The following ANO4 variants were observed in gnomAD, a reference collection of about 807,000 sequenced individuals.
The protein encoded by ANO4 is anoctamin-4.
In ANO4, 69 loss-of-function variants were observed where a neutral mutation model predicts 141.9. That is an observed-to-expected ratio of 0.49 (90% CI 0.40 to 0.59). The LOEUF (loss-of-function observed/expected upper bound fraction) is 0.59. ANO4 is among the 20% of genes least tolerant of loss of function. The pLI is 0.00. For synonymous variants in ANO4, 350 were observed against 394.3 expected, an observed-to-expected ratio of 0.89 and a Z score of 1.33; for missense variants, 894 against 1,162.2, an observed-to-expected ratio of 0.77 and a Z score of 3.36.
intron 5 of ANO4, among the ~76,000 whole-genome samples, chr12:100,953,857 G>T (rs1022720742): frequency 1.3e-5 from 2 of 151,028 alleles, no homozygotes; most frequent in Admixed American, 1.3e-4. Flanking sequence ...GGTGTAGGAA[G>T]AGTAAGTGGA....
chr12:100,831,879 G>T (rs1349987462), intron 1 of ANO4, among the ~76,000 whole-genome samples: 1 of 151,970 alleles, frequency 6.6e-6, no homozygotes, highest in Non-Finnish European at 1.5e-5. Context: ...TAAAATTCCA[G>T]ACTCTTCTGA....
chr12:100,829,680 A>G (rs2036539987), intron 1 of ANO4, among the ~76,000 whole-genome samples: 1 of 152,098 alleles, frequency 6.6e-6, no homozygotes, highest in Admixed American at 6.6e-5. Context: ...TAATCCCTTA[A>G]TATTTCCTTG....
chr12:101,102,536 T>G (rs1231903816), intron 22 of ANO4, among the ~76,000 whole-genome samples: 1 of 152,178 alleles, frequency 6.6e-6, no homozygotes, highest in Non-Finnish European at 1.5e-5. Flanking sequence ...AAGCCCATGT[T>G]TTTTTTGTGG....
At position 101,126,939 on chromosome 12, in the gene ANO4, C is replaced by T. The variant is rs2051341137; in HGVS notation, c.2737C>T (p.Leu913=). The T allele has an allele frequency of 6.2e-7, 1 of 1,613,964 alleles. No individual in the cohort carries two copies. The highest frequency in any genetic ancestry group is 8.5e-7 in the Non-Finnish European group (1 of 1,180,008). The change falls in exon 27 of 28, where the codon CTA becomes TTA. Residue 913 remains leucine (L), a synonymous_variant. Transcript: ENST00000392977. ...TCTGATCCCAGACCTCCCAAAAGAC[C>T]TAAGGGATCGAATGAGAAGAGAGAA... The part of the protein sequence containing the change: ...SYLIPDLPKD[L]RDRMRREKYL...
chr12:100,917,953 T>C (rs531941995), intron 2 of ANO4, among the ~76,000 whole-genome samples: 1 of 152,354 alleles, frequency 6.6e-6, no homozygotes, highest in African/African-American at 2.4e-5. Context: ...ATTTTCAGTC[T>C]TAAATCCTGA....
intron 9 of ANO4, among the ~76,000 whole-genome samples, chr12:101,026,999 A>G (rs1258783405): frequency 3.9e-5 from 6 of 152,188 alleles, no homozygotes; most frequent in Non-Finnish European, 8.8e-5. Context: ...AAAAAGAACC[A>G]TCATTAATGT....
intron 14 of ANO4, among the ~76,000 whole-genome samples, chr12:101,076,247 A>T (rs193091453): frequency 2.0e-5 from 3 of 152,202 alleles, no homozygotes; most frequent in East Asian, 1.9e-4. Context: ...TGGTTGGATT[A>T]TTGTACTTAT....
At chr12:100,755,297 G>A (rs2032558892) in intron 3 of ANO4, among the ~76,000 whole-genome samples, 1 of 151,928 alleles carries the variant, frequency 6.6e-6, no homozygotes, top group Non-Finnish European at 1.5e-5. Context: ...TTCTTGCTTG[G>A]TGAAATCCAA....
intron 5 of ANO4, among the ~76,000 whole-genome samples, chr12:100,958,975 G>C (rs2043290076): frequency 6.6e-6 from 1 of 152,096 alleles, no homozygotes; most frequent in African/African-American, 2.4e-5. Context: ...TTGGGTGGGG[G>C]CTCACTGAAG....
intron 8 of ANO4, among the ~76,000 whole-genome samples, chr12:101,008,436 A>G (rs954676425): frequency 6.6e-6 from 1 of 152,176 alleles, no homozygotes; most frequent in African/African-American, 2.4e-5. Flanking sequence ...CATAGAGAAT[A>G]AGAATTTGCT....
At chr12:100,934,574 GCT>G (rs1487101046) in intron 3 of ANO4, among the ~76,000 whole-genome samples, 3 of 152,076 alleles carry the variant, frequency 2.0e-5, no homozygotes, top group Non-Finnish European at 2.9e-5. Flanking sequence ...GGCAATGTGG[GCT>G]CTTTTTTGGT....
rs1592983265 is a variant in ANO4, at chr12:101,003,039, T to A, written c.734+15369T>A. Among the ~76,000 whole-genome samples, 3 of 152,216 alleles carry A rather than the reference T, an allele frequency of 2.0e-5. No individual in the cohort carries two copies. The East Asian group carries it at 5.8e-4, about 29-fold the overall frequency. The stretch of plus-strand genomic sequence containing the variant: ...AGCCCTCTCTCCTATTGCTTTCTTA[T>A]ATGGATTGCCACAGCTTCTCCATCA... On this transcript the variant is annotated intron_variant, in intron 8 of 27. Coordinates refer to ENST00000392977, the MANE Select transcript of ANO4 (RefSeq NM_001286615.2).
chr12:100,951,178 CA>C (rs2042955576), intron 5 of ANO4, among the ~76,000 whole-genome samples: 1 of 152,010 alleles, frequency 6.6e-6, no homozygotes, highest in Non-Finnish European at 1.5e-5. Context: ...ACTAAAAAGT[CA>C]AAAAATAACA....
chr12:101,104,281 C>T (rs80308602), intron 22 of ANO4, among the ~76,000 whole-genome samples: 5,615 of 151,578 alleles, frequency 0.037, 375 homozygotes, highest in African/African-American at 0.13. Flanking sequence ...GGCTTAATTT[C>T]ACTTTTTTTC....
At chr12:100,899,092 G>A (rs2040473382) in intron 1 of ANO4, among the ~76,000 whole-genome samples, 1 of 152,268 alleles carries the variant, frequency 6.6e-6, no homozygotes, top group East Asian at 1.9e-4. Flanking sequence ...TCTGGGAGTA[G>A]AAGGCTCATA....
chr12:101,069,069 T>G (rs920044538), intron 14 of ANO4: 1 of 973,434 alleles, frequency 1.0e-6, no homozygotes, highest in African/African-American at 1.6e-5. Context: ...TGCCAGAAAT[T>G]TGAATAGCTT....
chr12:100,806,524 G>GTTTTTTTTTT lies in ANO4; in HGVS notation c.-141+11524_-141+11533dup, dbSNP rs763949654. 1.3e-3 allele frequency among the ~76,000 whole-genome samples: 75 copies of GTTTTTTTTTT among 59,868 alleles called. 21 individuals carry two copies. The highest frequency in any genetic ancestry group is 4.8e-3 in the East Asian group (7 of 1,446). The allele number at this position is 59,868 out of a possible 152,430, so 39.3% of individuals were successfully genotyped here. ...TTTTAGGAGGTTTTTTTTTTGTTTC[G>GTTTTTTTTTT]TTTTTTTTTTTTTTTTTTTTTTTTT... On this transcript the variant is annotated intron_variant, in intron 1 of 27. Transcript: ENST00000392977.
chr12:100,967,939 C>A (rs1197101093), intron 5 of ANO4, among the ~76,000 whole-genome samples: 1 of 152,152 alleles, frequency 6.6e-6, no homozygotes, highest in Non-Finnish European at 1.5e-5. Flanking sequence ...TCAGCTCTGT[C>A]TGGGGTAAAC....
chr12:100,980,424 G>T (rs2044407449), intron 7 of ANO4, among the ~76,000 whole-genome samples: 1 of 152,064 alleles, frequency 6.6e-6, no homozygotes, highest in African/African-American at 2.4e-5. Context: ...TTTCTTTGTA[G>T]CCAGCTCTGA....
Sources: allele counts gnomAD v4.1 joint callset (sites outside exome capture counted in the v4.1 genomes callset), GRCh38; gene constraint gnomAD v4.1.1; transcripts MANE v1.5; gene names NCBI Gene and HGNC (gene_info 2026-07-23, HGNC 2026-07-21).